Variants in NFIA observed in about 807,000 individuals in gnomAD.
The protein encoded by NFIA is nuclear factor I A, also known as nuclear factor 1 A-type.
Under a neutral mutation model 62.8 loss-of-function variants are expected in NFIA, and 8 were observed. That is an observed-to-expected ratio of 0.13 (90% confidence interval 0.07 to 0.23). The LOEUF (loss-of-function observed/expected upper bound fraction) is 0.23, where lower values mean the gene tolerates loss of function less well. Among genes scored for constraint, NFIA ranks in the 10% least tolerant of loss-of-function variants. The probability of loss-of-function intolerance (pLI) is 1.00; values close to 1 mark genes in which losing one functional copy is unlikely to be tolerated. For missense variants in NFIA, 410 were observed against 642.1 expected (o/e 0.64, Z 3.91); for synonymous variants, 235 against 238.1 (o/e 0.99, Z 0.12).
chr1:61,228,707 T>G (rs574168660), intron 2 of NFIA, among the ~76,000 whole-genome samples: 1 of 152,282 alleles, frequency 6.6e-6, no homozygotes, highest in South Asian at 2.1e-4. Context: ...AATGTGTACA[T>G]GAAGGTTTTC....
chr1:61,280,643 G>T (rs1380748356), intron 3 of NFIA, among the ~76,000 whole-genome samples: 1 of 152,154 alleles, frequency 6.6e-6, no homozygotes, highest in East Asian at 1.9e-4. Context: ...GGATGCAGCT[G>T]TTTCTTCCCT....
Position 61,306,421 on chromosome 1 carries a change from G to A in NFIA, c.626-26091G>A, listed in dbSNP as rs1031478619. ...CTCCCAAGTAGCTGGGACTACAGGC[G>A]CACACCACCATGCCTGGCTAATTTT... On this transcript the variant is annotated intron_variant, in intron 3 of 10. Coordinates refer to ENST00000403491, the MANE Select transcript of NFIA (RefSeq NM_001134673.4). Among the ~76,000 whole-genome samples, 8 of 151,526 alleles carry A rather than the reference G, an allele frequency of 5.3e-5. No individual in the cohort carries two copies. The East Asian group carries it at 7.8e-4, about 15-fold the overall frequency.
intron 2 of NFIA, among the ~76,000 whole-genome samples, chr1:61,127,292 C>T (rs987236199): frequency 4.6e-5 from 7 of 151,724 alleles, no homozygotes; most frequent in Non-Finnish European, 7.4e-5. Flanking sequence ...CCCATCTCTA[C>T]TAAAAATACA....
chr1:61,200,064 A>G (rs865803484), intron 2 of NFIA, among the ~76,000 whole-genome samples: 2,714 of 44,834 alleles, frequency 0.061, 91 homozygotes, highest in Non-Finnish European at 0.074. Context: ...ATATATATAT[A>G]TATGTATGTA....
chr1:61,362,739 C>T (rs981801556), intron 6 of NFIA, among the ~76,000 whole-genome samples: 1 of 152,174 alleles, frequency 6.6e-6, no homozygotes, highest in African/African-American at 2.4e-5. Context: ...GAATGACTTT[C>T]GCTTCTCTTA....
At chr1:61,217,062 CT>C (rs36086183) in intron 2 of NFIA, among the ~76,000 whole-genome samples, 117 of 135,112 alleles carry the variant, frequency 8.7e-4, no homozygotes, top group Middle Eastern at 3.7e-3. Flanking sequence ...TTTCTTTTTT[CT>C]TTTTTTTTTT....
At chr1:61,219,722 A>AAAAAAAAAG (rs796341948) in intron 2 of NFIA, among the ~76,000 whole-genome samples, 30 of 148,884 alleles carry the variant, frequency 2.0e-4, no homozygotes, top group African/African-American at 7.4e-4. Flanking sequence ...TCAAAAAAAA[A>AAAAAAAAAG]AAAAGAAAAA....
chr1:61,246,006 A>G (rs997325083), intron 2 of NFIA, among the ~76,000 whole-genome samples: 3 of 152,192 alleles, frequency 2.0e-5, no homozygotes, highest in Non-Finnish European at 4.4e-5. Flanking sequence ...TATAAACCCT[A>G]TATGAACCCC....
chr1:61,430,045 T>A (rs1278344248), intron 10 of NFIA, among the ~76,000 whole-genome samples: 1 of 152,222 alleles, frequency 6.6e-6, no homozygotes, highest in African/African-American at 2.4e-5. Flanking sequence ...CACTGAACTG[T>A]ACACTCAAAA....
intron 2 of NFIA, among the ~76,000 whole-genome samples, chr1:61,109,203 A>G (rs1048920140): frequency 5.3e-5 from 8 of 151,918 alleles, no homozygotes; most frequent in Admixed American, 5.3e-4. Context: ...CAGGAAGACA[A>G]CTATTAAGAG....
intron 3 of NFIA, among the ~76,000 whole-genome samples, chr1:61,284,375 G>A (rs1232062166): frequency 1.3e-5 from 2 of 152,168 alleles, no homozygotes; most frequent in Non-Finnish European, 2.9e-5. Flanking sequence ...AGAATTGTTA[G>A]CAGGTGTGAC....
intron 2 of NFIA, among the ~76,000 whole-genome samples, chr1:61,106,081 CCT>C (rs143350333): frequency 3.4e-5 from 5 of 145,144 alleles, no homozygotes; most frequent in African/African-American, 1.0e-4. Flanking sequence ...CCACAAAAAT[CCT>C]CTCTCTCTCT....
Position 61,344,501 on chromosome 1 carries a change from G to T in NFIA, c.701-7949G>T, listed in dbSNP as rs1370159079. On this transcript the variant is annotated intron_variant, in intron 4 of 10. Transcript: ENST00000403491. ...ATATTTGTAAGTTGGAAATTGAGTT[G>T]GGTTACTTATTGCCATTCTTTCATA... Among the ~76,000 whole-genome samples, 3 of 152,204 alleles carry T rather than the reference G, an allele frequency of 2.0e-5. No individual in the cohort carries two copies. In the East Asian group the frequency reaches 5.8e-4, roughly 29 times the overall value.
chr1:61,144,148 T>C (rs1647747309), intron 2 of NFIA, among the ~76,000 whole-genome samples: 1 of 152,212 alleles, frequency 6.6e-6, no homozygotes, highest in Non-Finnish European at 1.5e-5. Flanking sequence ...AATAGATCAG[T>C]GGTTCTCAAA....
chr1:61,205,440 A>T (rs1652830083), intron 2 of NFIA, among the ~76,000 whole-genome samples: 1 of 152,232 alleles, frequency 6.6e-6, no homozygotes, highest in Non-Finnish European at 1.5e-5. Flanking sequence ...AGCAGTAATT[A>T]TGTCAACATA....
At chr1:61,192,613 G>T (rs994960455) in intron 2 of NFIA, among the ~76,000 whole-genome samples, 1 of 151,852 alleles carries the variant, frequency 6.6e-6, no homozygotes, top group Non-Finnish European at 1.5e-5. Context: ...AGAGGCAGGA[G>T]AATCCCCTGA....
intron 2 of NFIA, among the ~76,000 whole-genome samples, chr1:61,213,311 G>A (rs1175660131): frequency 2.0e-5 from 3 of 152,158 alleles, no homozygotes; most frequent in African/African-American, 7.2e-5. Context: ...TTCAGTTGGA[G>A]GCATGGTGCG....
chr1:61,350,542 G>A (rs766860025), intron 4 of NFIA, among the ~76,000 whole-genome samples: 6 of 152,100 alleles, frequency 3.9e-5, no homozygotes, highest in Non-Finnish European at 5.9e-5. Flanking sequence ...AGGCTGAGGC[G>A]GGAAGATTGC....
chr1:61,323,817 C>A (rs1660794775), intron 3 of NFIA, among the ~76,000 whole-genome samples: 1 of 152,140 alleles, frequency 6.6e-6, no homozygotes, highest in African/African-American at 2.4e-5. Flanking sequence ...ATCTGAATCA[C>A]TAAATAAATA....
Sources: gnomAD v4.1 joint callset for allele counts (sites outside exome capture counted in the v4.1 genomes callset) on GRCh38, gnomAD v4.1.1 for gene constraint, MANE v1.5 for transcripts, NCBI Gene and HGNC (gene_info 2026-07-23, HGNC 2026-07-21) for gene names.